The following CCDC68 variants were observed in gnomAD, a reference collection of about 807,000 sequenced individuals.
CCDC68 encodes coiled-coil domain-containing protein 68.
CCDC68 carries 45 observed loss-of-function variants against 47.1 expected under a neutral mutation model. That is an observed-to-expected ratio of 0.96 (90% CI 0.75 to 1.23). The LOEUF (loss-of-function observed/expected upper bound fraction) is 1.23. Among genes scored for constraint, CCDC68 ranks in the 50% most tolerant of loss-of-function variants. CCDC68 has a pLI of 0.00. For synonymous variants in CCDC68, 131 were observed against 129.5 expected, an observed-to-expected ratio of 1.01 and a Z score of -0.08; for missense variants, 353 against 373.6, an observed-to-expected ratio of 0.94 and a Z score of 0.45.
At position 54,928,931 on chromosome 18, in the gene CCDC68, G is replaced by C. The variant is rs375025062; in HGVS notation, c.601-49C>G. 3.3e-5 allele frequency: 33 copies of C among 988,170 alleles called. 1 individual carries two copies. In the Middle Eastern group the frequency reaches 7.0e-4, roughly 21 times the overall value. The allele number at this position is 988,170 out of a possible 1,614,324, so 61.2% of individuals were successfully genotyped here. On this transcript the variant is annotated intron_variant, in intron 7 of 11. Coordinates refer to ENST00000591504, the MANE Select transcript of CCDC68 (RefSeq NM_025214.3). ...TTTGCTAAACTGCATGTGTATGTTT[G>C]GTAAGGCCTTCCTCTTGTCATACTA...
In CCDC68 at chr18:54,919,307, G is replaced by A. The variant is rs1195117571; in HGVS notation, c.753C>T (p.His251=). The A allele has an allele frequency of 1.9e-6, 3 of 1,613,886 alleles. No individual in the cohort carries two copies. In the Admixed American group the frequency reaches 5.0e-5, roughly 27 times the overall value. ...CACTGCGCAGGTTCTGATGTTGGGAGTGAATCACAAACTGCAGATGAGAGA... is the reference window on the plus strand; with the variant it reads ...CACTGCGCAGGTTCTGATGTTGGGAATGAATCACAAACTGCAGATGAGAGA... ...EQISHLQFVI[H]SQHQNLRSVI... Residue 251 remains histidine, a synonymous_variant, in exon 9 of 12, where the codon CAC becomes CAT. Coordinates refer to ENST00000591504, the MANE Select transcript of CCDC68 (RefSeq NM_025214.3).
intron 7 of CCDC68, among the ~76,000 whole-genome samples, chr18:54,933,629 C>T (rs2044299744): frequency 6.6e-6 from 1 of 152,158 alleles, no homozygotes; most frequent in African/African-American, 2.4e-5. Context: ...AAGTATACAA[C>T]CAAATATTAC....
chr18:54,903,976 TATAC>T lies in CCDC68; in HGVS notation c.*378_*381del, dbSNP rs1002179411. 4 of 188,492 alleles carry T rather than the reference TATAC, an allele frequency of 2.1e-5. No homozygotes were observed. The highest frequency in any genetic ancestry group is 9.5e-5 in the African/African-American group (4 of 41,898). 11.7% of individuals were successfully genotyped at this position (188,492 alleles called of 1,614,324 possible). On this transcript the variant is annotated 3_prime_UTR_variant, in exon 12 of 12. Coordinates refer to ENST00000591504, the MANE Select transcript of CCDC68 (RefSeq NM_025214.3). ...GGAAATGTATGTTCATTCATACACA[TATAC>T]ACTCTCCCTTCTATTTATACTCTTA...
chr18:54,916,504 G>A (rs937606097), intron 10 of CCDC68, among the ~76,000 whole-genome samples: 8 of 152,146 alleles, frequency 5.3e-5, no homozygotes, highest in African/African-American at 1.2e-4. Flanking sequence ...GCAACATTAC[G>A]CTGGCAGGTG....
intron 7 of CCDC68, among the ~76,000 whole-genome samples, chr18:54,929,309 G>T (rs191269726): frequency 1.1e-3 from 162 of 152,214 alleles, no homozygotes; most frequent in African/African-American, 3.9e-3. Context: ...ATACTACTTG[G>T]CATCTGTCAG....
chr18:54,952,463 C>T (rs367839159), intron 1 of CCDC68, among the ~76,000 whole-genome samples: 33 of 152,290 alleles, frequency 2.2e-4, no homozygotes, highest in African/African-American at 5.5e-4. Flanking sequence ...CATACCAGTT[C>T]TGGTGAGGAT....
intron 1 of CCDC68, among the ~76,000 whole-genome samples, chr18:54,947,282 G>A (rs1371714285): frequency 6.6e-6 from 1 of 152,224 alleles, no homozygotes; most frequent in Non-Finnish European, 1.5e-5. Flanking sequence ...CCAAGAGGAG[G>A]TATTTCCTAG....
intron 1 of CCDC68, among the ~76,000 whole-genome samples, chr18:54,957,627 ACT>A (rs60851819): frequency 0.25 from 35,427 of 143,688 alleles, 4,848 homozygotes; most frequent in African/African-American, 0.42. Flanking sequence ...ACACACACAC[ACT>A]CTCTCTCTCT....
At chr18:54,932,014 A>G (rs1487741876) in intron 7 of CCDC68, among the ~76,000 whole-genome samples, 2 of 152,056 alleles carry the variant, frequency 1.3e-5, no homozygotes, top group African/African-American at 2.4e-5. Flanking sequence ...CTATTAATAC[A>G]AAAGGCCCAG....
At chr18:54,929,647 A>G (rs1411550985) in intron 7 of CCDC68, among the ~76,000 whole-genome samples, 1 of 152,192 alleles carries the variant, frequency 6.6e-6, no homozygotes, top group Admixed American at 6.5e-5. Context: ...GAAAAAAGGC[A>G]GGAATTGGTA....
chr18:54,943,868 C>T (rs115759685), intron 2 of CCDC68, among the ~76,000 whole-genome samples: 2,107 of 152,032 alleles, frequency 0.014, 24 homozygotes, highest in Middle Eastern at 0.054. Context: ...TAGGTGAAGC[C>T]GGTGAAGTCG....
At position 54,919,330 on chromosome 18, in the gene CCDC68, A is replaced by G; in HGVS notation, c.730T>C (p.Ser244Pro). Reference sequence around the variant, plus strand: ...GAGTGAATCACAAACTGCAGATGAGAGATCTGCTCCTGGAGAATGGAAATC... The same window carrying G: ...GAGTGAATCACAAACTGCAGATGAGGGATCTGCTCCTGGAGAATGGAAATC... ...REISILQEQI[S>P]HLQFVIHSQH... Residue 244 changes from serine (S) to proline (P), a missense_variant, in exon 9 of 12, where the codon TCT becomes CCT. Physicochemically the swap from Ser to Pro is moderately conservative, Grantham distance 74. Coordinates refer to ENST00000591504, the MANE Select transcript of CCDC68 (RefSeq NM_025214.3). The G allele has an allele frequency of 1.2e-6, 2 of 1,614,020 alleles. No individual in the cohort carries two copies. Among genetic ancestry groups the G allele is most frequent in the Non-Finnish European group, 1.7e-6 (2 of 1,179,916 alleles).
Position 54,937,115 on chromosome 18 carries a change from A to C in CCDC68, c.346-157T>G. ...AGAGAAGACACTGTTATTTGGTAAG[A>C]GGAAAATGTAAAATGAGAAACTCCC... On this transcript the variant is annotated intron_variant, in intron 5 of 11. Transcript: ENST00000591504. The C allele has an allele frequency of 7.3e-6, 5 of 686,092 alleles. No individual in the cohort carries two copies. In the South Asian group the frequency reaches 9.9e-5, roughly 14 times the overall value. 42.5% of individuals were successfully genotyped at this position (686,092 alleles called of 1,614,324 possible).
At chr18:54,915,758 G>C (rs997820359) in intron 10 of CCDC68, among the ~76,000 whole-genome samples, 3 of 151,902 alleles carry the variant, frequency 2.0e-5, no homozygotes, top group Non-Finnish European at 4.4e-5. Flanking sequence ...GTGAAACCCC[G>C]TCTCTACTAA....
chr18:54,934,404 G>A (rs1170928984), intron 7 of CCDC68, among the ~76,000 whole-genome samples: 1 of 152,096 alleles, frequency 6.6e-6, no homozygotes, highest in Non-Finnish European at 1.5e-5. Flanking sequence ...AGTAGACTTG[G>A]GTGGCCAAAA....
At chr18:54,909,027 A>G (rs1162973304) in intron 10 of CCDC68, among the ~76,000 whole-genome samples, 3 of 152,116 alleles carry the variant, frequency 2.0e-5, no homozygotes, top group Non-Finnish European at 4.4e-5. Flanking sequence ...CCATTTTTAT[A>G]ACTATAAATT....
At chr18:54,934,708 C>T in intron 7 of CCDC68, 112 bp downstream of exon 7, 1 of 793,878 alleles carries the variant, frequency 1.3e-6, no homozygotes, top group East Asian at 3.5e-5. Context: ...AGAATACTTT[C>T]ACATAATATT....
intron 11 of CCDC68, among the ~76,000 whole-genome samples, chr18:54,905,243 G>A (rs1254040864): frequency 3.3e-5 from 5 of 151,390 alleles, no homozygotes; most frequent in African/African-American, 1.2e-4. Context: ...CACAGAGTGA[G>A]GCCCTGTCAA....
chr18:54,904,126 C>A lies in CCDC68; in HGVS notation c.*232G>T. On this transcript the variant is annotated 3_prime_UTR_variant, in exon 12 of 12. Coordinates refer to ENST00000591504, the MANE Select transcript of CCDC68 (RefSeq NM_025214.3). ...ATTTAAAGCAGAATCTGTCTTCCAT[C>A]ATGAGAAGGCACCTGGTTTCTTCAA... 1 of 358,736 alleles carries A rather than the reference C, an allele frequency of 2.8e-6. No individual in the cohort carries two copies. 22.2% of individuals were successfully genotyped at this position (358,736 alleles called of 1,614,324 possible).
Sources: gnomAD v4.1 joint callset for allele counts (sites outside exome capture counted in the v4.1 genomes callset) on GRCh38, gnomAD v4.1.1 for gene constraint, MANE v1.5 for transcripts, NCBI Gene and HGNC (gene_info 2026-07-23, HGNC 2026-07-21) for gene names.